LY96: variants seen among roughly 807,000 people sequenced by gnomAD.
LY96 encodes lymphocyte antigen 96.
LY96 carries 18 observed loss-of-function variants against 18.9 expected under a neutral mutation model. The observed-to-expected ratio is 0.95, with a 90% CI of 0.66 to 1.41. The LOEUF (loss-of-function observed/expected upper bound fraction) is 1.41. LY96 is among the 40% of genes most tolerant of loss of function. The probability of loss-of-function intolerance (pLI) is 0.00; values close to 1 mark genes in which losing one functional copy is unlikely to be tolerated. For synonymous variants in LY96, 66 were observed against 62.6 expected, an observed-to-expected ratio of 1.06 and a Z score of -0.26; for missense variants, 175 against 182.4, an observed-to-expected ratio of 0.96 and a Z score of 0.23.
At chr8:74,031,393 C>T (rs138439577), downstream of LY96, among the ~76,000 whole-genome samples, 302 of 152,078 alleles carry the variant, frequency 2.0e-3, 1 homozygote, top group African/African-American at 7.0e-3. Flanking sequence ...TTTGGGAATC[C>T]AAAGCGGGCG....
the LY96 span, among the ~76,000 whole-genome samples, chr8:74,087,754 T>C: frequency 1.3e-5 from 2 of 152,202 alleles, no homozygotes; most frequent in East Asian, 1.9e-4. Context: ...CTTCCTTTGT[T>C]CTTTTAGATG....
At chr8:74,089,699 C>T in the LY96 span, among the ~76,000 whole-genome samples, 32 of 122,932 alleles carry the variant, frequency 2.6e-4, no homozygotes, top group Middle Eastern at 6.2e-3. Context: ...GATGAACAGG[C>T]GAGTGCCTGC....
At chr8:74,065,197 T>C in the LY96 span, among the ~76,000 whole-genome samples, 7 of 152,234 alleles carry the variant, frequency 4.6e-5, no homozygotes, top group Non-Finnish European at 4.4e-5. Flanking sequence ...CAAACCAATG[T>C]AATGATTTAT....
At chr8:74,015,714 T>C (rs1563716719) in intron 3 of LY96, among the ~76,000 whole-genome samples, 3 of 152,202 alleles carry the variant, frequency 2.0e-5, no homozygotes, top group Admixed American at 1.3e-4. Context: ...GCCCCCTGCA[T>C]AGCTGCCAGG....
chr8:74,007,618 T>C (rs1165696025), intron 2 of LY96, among the ~76,000 whole-genome samples: 1 of 152,268 alleles, frequency 6.6e-6, no homozygotes, highest in Non-Finnish European at 1.5e-5. Context: ...ATAGCCTTGC[T>C]AGTAAATTAT....
At chr8:74,051,394 C>G in the LY96 span, among the ~76,000 whole-genome samples, 1 of 152,204 alleles carries the variant, frequency 6.6e-6, no homozygotes, top group Non-Finnish European at 1.5e-5. Context: ...AGAGTAGCTT[C>G]TTAAATTGTC....
the LY96 span, among the ~76,000 whole-genome samples, chr8:74,094,104 T>C: frequency 6.6e-6 from 1 of 152,168 alleles, no homozygotes; most frequent in Non-Finnish European, 1.5e-5. Flanking sequence ...TCCTTTCTTA[T>C]TGTGCACCAA....
the LY96 span, among the ~76,000 whole-genome samples, chr8:74,040,957 G>C: frequency 6.6e-6 from 1 of 151,802 alleles, no homozygotes; most frequent in Non-Finnish European, 1.5e-5. Context: ...CCACCTTCTT[G>C]CAACTTTTCT....
the LY96 span, among the ~76,000 whole-genome samples, chr8:74,091,112 A>G: frequency 6.6e-6 from 1 of 152,038 alleles, no homozygotes; most frequent in African/African-American, 2.4e-5. Flanking sequence ...AAGGAGTGGC[A>G]TGGGGAGAGG....
chr8:74,086,808 C>T, the LY96 span, among the ~76,000 whole-genome samples: 5 of 152,224 alleles, frequency 3.3e-5, no homozygotes, highest in Non-Finnish European at 7.3e-5. Context: ...CTTCCTTGCT[C>T]CTTCCCCATG....
intron 1 of LY96, among the ~76,000 whole-genome samples, chr8:74,001,869 T>C (rs1262615970): frequency 2.6e-5 from 4 of 151,974 alleles, no homozygotes; most frequent in Non-Finnish European, 5.9e-5. Context: ...AACTATTTCA[T>C]TGGGCTTCTT....
intron 3 of LY96, among the ~76,000 whole-genome samples, chr8:74,024,390 A>G (rs1187056347): frequency 1.3e-5 from 2 of 151,208 alleles, no homozygotes; most frequent in Admixed American, 6.6e-5. Context: ...ATGCATTAAT[A>G]TTCACAAGGT....
the LY96 span, among the ~76,000 whole-genome samples, chr8:74,059,999 C>T: frequency 2.0e-5 from 3 of 152,002 alleles, no homozygotes; most frequent in South Asian, 2.1e-4. Context: ...ATTAGCTGTG[C>T]GTGGTGGTGT....
chr8:74,031,886 G>A, downstream of LY96, among the ~76,000 whole-genome samples: 1 of 152,022 alleles, frequency 6.6e-6, no homozygotes, highest in East Asian at 1.9e-4. Context: ...CACTTTGGGA[G>A]GCCGAGGTGG....
chr8:74,030,729 T>G (rs1189369267), downstream of LY96, among the ~76,000 whole-genome samples: 1 of 152,196 alleles, frequency 6.6e-6, no homozygotes, highest in Non-Finnish European at 1.5e-5. Flanking sequence ...TCATCTGGGA[T>G]ACCAAAGTAC....
At chr8:74,065,169 T>C in the LY96 span, among the ~76,000 whole-genome samples, 1 of 152,232 alleles carries the variant, frequency 6.6e-6, no homozygotes, top group African/African-American at 2.4e-5. Flanking sequence ...CACTTCTAGA[T>C]GTCTCAACTT....
chr8:74,071,648 C>T, the LY96 span, among the ~76,000 whole-genome samples: 1 of 152,204 alleles, frequency 6.6e-6, no homozygotes, highest in Non-Finnish European at 1.5e-5. Context: ...TGCCTCTCAC[C>T]TCCAGGCCTA....
the LY96 span, among the ~76,000 whole-genome samples, chr8:74,094,249 G>T: frequency 6.6e-6 from 1 of 150,460 alleles, no homozygotes; most frequent in Non-Finnish European, 1.5e-5. Flanking sequence ...GGTAGTGGGT[G>T]TGTGTATGTG....
intron 1 of LY96, among the ~76,000 whole-genome samples, chr8:74,001,310 A>G (rs1368698496): frequency 1.3e-5 from 2 of 149,334 alleles, no homozygotes. Flanking sequence ...TGCAACCTCC[A>G]CCTCCTGGGT....
Sources: allele counts gnomAD v4.1 joint callset (sites outside exome capture counted in the v4.1 genomes callset), GRCh38; gene constraint gnomAD v4.1.1; transcripts MANE v1.5; gene names NCBI Gene and HGNC (gene_info 2026-07-23, HGNC 2026-07-21).